PDE1A: variants seen among roughly 807,000 people sequenced by gnomAD.
PDE1A encodes phosphodiesterase 1A, also known as dual specificity calcium/calmodulin-dependent 3',5'-cyclic nucleotide phosphodiesterase 1A.
In PDE1A, 35 loss-of-function variants were observed where a neutral mutation model predicts 61.7. The ratio of observed to expected loss-of-function variants is 0.57; its 90% CI spans 0.43 to 0.75. The LOEUF (loss-of-function observed/expected upper bound fraction) is 0.75. Among genes scored for constraint, PDE1A ranks in the 30% least tolerant of loss-of-function variants. The pLI is 0.00. For missense variants in PDE1A, 597 were observed against 630.6 expected (o/e 0.95, Z 0.57); for synonymous variants, 232 against 213.2 (o/e 1.09, Z -0.77).
intron 1 of PDE1A, among the ~76,000 whole-genome samples, chr2:182,356,312 A>C (rs1699176154): frequency 6.6e-6 from 1 of 152,130 alleles, no homozygotes; most frequent in African/African-American, 2.4e-5. Context: ...AAAAAAAATC[A>C]AAAGATTACA....
the PDE1A span, among the ~76,000 whole-genome samples, chr2:182,695,250 A>G: frequency 6.6e-6 from 1 of 152,150 alleles, no homozygotes; most frequent in Non-Finnish European, 1.5e-5. Context: ...TTCATAAGAG[A>G]AGAGAGGTCA....
intron 2 of PDE1A, among the ~76,000 whole-genome samples, chr2:182,495,368 C>T (rs1688650282): frequency 6.6e-6 from 1 of 152,140 alleles, no homozygotes; most frequent in Admixed American, 6.5e-5. Context: ...ACTCACTTAG[C>T]TATCCTCTAT....
chr2:182,161,885 C>A (rs1897472), intron 13 of PDE1A, among the ~76,000 whole-genome samples: 113,358 of 151,986 alleles, frequency 0.75, 42,540 homozygotes, highest in East Asian at 0.9. Flanking sequence ...GGAGTGAAAA[C>A]AGGCACTATA....
chr2:182,169,220 C>A (rs1258804935), intron 13 of PDE1A, among the ~76,000 whole-genome samples: 1 of 151,876 alleles, frequency 6.6e-6, no homozygotes, highest in East Asian at 1.9e-4. Flanking sequence ...ATTTACCAGA[C>A]TTTACATTGA....
At chr2:182,197,203 A>G (rs1298274140) in intron 10 of PDE1A, among the ~76,000 whole-genome samples, 1 of 151,804 alleles carries the variant, frequency 6.6e-6, no homozygotes. Context: ...GTATGTAAGT[A>G]TTACCTACTT....
At chr2:182,580,409 GCTGTGCCCGT>G in the PDE1A span, among the ~76,000 whole-genome samples, 1 of 152,114 alleles carries the variant, frequency 6.6e-6, no homozygotes, top group Admixed American at 6.6e-5. Flanking sequence ...CGGTCTGCCT[GCTGTGCCCGT>G]CTGTGTCCAA....
At chr2:182,678,597 A>G in the PDE1A span, among the ~76,000 whole-genome samples, 10 of 152,226 alleles carry the variant, frequency 6.6e-5, no homozygotes, top group African/African-American at 2.4e-4. Flanking sequence ...GATTTCAGGT[A>G]TATTATTTAG....
the PDE1A span, among the ~76,000 whole-genome samples, chr2:182,674,389 C>T: frequency 6.6e-6 from 1 of 152,030 alleles, no homozygotes; most frequent in Non-Finnish European, 1.5e-5. Flanking sequence ...CCAATTATCT[C>T]ATTAAATGGC....
the PDE1A span, among the ~76,000 whole-genome samples, chr2:182,562,451 G>T: frequency 1.3e-4 from 19 of 150,926 alleles, no homozygotes; most frequent in African/African-American, 3.9e-4. Context: ...GCTGGATTCG[G>T]TTTGCCAGTA....
At chr2:182,437,433 G>T (rs1377027334) in intron 2 of PDE1A, among the ~76,000 whole-genome samples, 2 of 151,728 alleles carry the variant, frequency 1.3e-5, no homozygotes, top group African/African-American at 2.4e-5. Context: ...CACTGAAAAG[G>T]CTAGATAGGC....
At chr2:182,385,337 AAAT>A (rs1229093335) in intron 1 of PDE1A, among the ~76,000 whole-genome samples, 1 of 152,192 alleles carries the variant, frequency 6.6e-6, no homozygotes, top group Non-Finnish European at 1.5e-5. Flanking sequence ...AAACTATTAA[AAAT>A]AATAATAGCA....
chr2:182,494,491 T>C (rs10931016), intron 2 of PDE1A, among the ~76,000 whole-genome samples: 54,251 of 151,876 alleles, frequency 0.36, 10,437 homozygotes, highest in East Asian at 0.6. Flanking sequence ...TGAGTAACTG[T>C]TTAAGAAACA....
chr2:182,589,862 G>T, the PDE1A span, among the ~76,000 whole-genome samples: 1 of 152,142 alleles, frequency 6.6e-6, no homozygotes, highest in Non-Finnish European at 1.5e-5. Context: ...CCCACCTAGA[G>T]TTACTACACC....
At chr2:182,486,615 T>C (rs867219164) in intron 2 of PDE1A, among the ~76,000 whole-genome samples, 1 of 152,076 alleles carries the variant, frequency 6.6e-6, no homozygotes, top group Non-Finnish European at 1.5e-5. Flanking sequence ...CAGAACAGAA[T>C]TGAAAGACCA....
the PDE1A span, among the ~76,000 whole-genome samples, chr2:182,677,264 A>G: frequency 6.6e-6 from 1 of 152,190 alleles, no homozygotes; most frequent in Non-Finnish European, 1.5e-5. Flanking sequence ...CCTATACACC[A>G]ACAACAACCA....
chr2:182,270,037 A>G (rs1692906392), intron 1 of PDE1A, among the ~76,000 whole-genome samples: 1 of 152,156 alleles, frequency 6.6e-6, no homozygotes, highest in Non-Finnish European at 1.5e-5. Flanking sequence ...TCTTTTCCCA[A>G]AGAGAATGAC....
chr2:182,423,479 T>G (rs1703408767), intron 1 of PDE1A, among the ~76,000 whole-genome samples: 1 of 152,200 alleles, frequency 6.6e-6, no homozygotes, highest in South Asian at 2.1e-4. Flanking sequence ...TCAGTAACTT[T>G]TTCCACTTGA....
intron 2 of PDE1A, among the ~76,000 whole-genome samples, chr2:182,460,463 T>C (rs1269883697): frequency 6.6e-6 from 1 of 152,166 alleles, no homozygotes; most frequent in Non-Finnish European, 1.5e-5. Context: ...TGCCTCTAAC[T>C]CCTGGGCTCA....
At chr2:182,292,959 T>C (rs1465455264) in intron 1 of PDE1A, among the ~76,000 whole-genome samples, 1 of 152,072 alleles carries the variant, frequency 6.6e-6, no homozygotes, top group Admixed American at 6.6e-5. Flanking sequence ...ATATCATACA[T>C]AAAAAGTAAC....
Sources: gnomAD v4.1 joint callset for allele counts (sites outside exome capture counted in the v4.1 genomes callset) on GRCh38, gnomAD v4.1.1 for gene constraint, MANE v1.5 for transcripts, NCBI Gene and HGNC (gene_info 2026-07-23, HGNC 2026-07-21) for gene names.